Variants in PFKFB3 observed in about 807,000 individuals in gnomAD.
PFKFB3 encodes 6-phosphofructo-2-kinase/fructose-2,6-biphosphatase 3.
Under a neutral mutation model 68.0 loss-of-function variants are expected in PFKFB3, and 33 were observed. The observed-to-expected ratio is 0.49, with a 90% CI of 0.37 to 0.65. PFKFB3 has a LOEUF of 0.65. Ranked by LOEUF, PFKFB3 falls within the 30% of genes least tolerant of loss-of-function variation. PFKFB3 has a pLI of 0.00. For missense variants in PFKFB3, 586 were observed against 712.2 expected, an observed-to-expected ratio of 0.82 and a Z score of 2.02; for synonymous variants, 315 against 288.2, an observed-to-expected ratio of 1.09 and a Z score of -0.94.
chr10:6,155,828 A>C (rs1841763904), intron 1 of PFKFB3, among the ~76,000 whole-genome samples: 1 of 152,208 alleles, frequency 6.6e-6, no homozygotes, highest in South Asian at 2.1e-4. Flanking sequence ...AACAGATTTA[A>C]AAACCTCATT....
At chr10:6,213,334 A>G (rs956603877) in intron 1 of PFKFB3, among the ~76,000 whole-genome samples, 2 of 152,198 alleles carry the variant, frequency 1.3e-5, no homozygotes, top group East Asian at 3.9e-4. Context: ...AGCCTGGGCA[A>G]CACAGCGAGA....
downstream of PFKFB3, among the ~76,000 whole-genome samples, chr10:6,259,565 T>TCCATCCATCCATCCAC (rs1564239544): frequency 2.2e-5 from 3 of 133,496 alleles, no homozygotes; most frequent in Admixed American, 8.0e-5. Flanking sequence ...CATCCATCCA[T>TCCATCCATCCATCCAC]CCACTCATCC....
intron 1 of PFKFB3, among the ~76,000 whole-genome samples, chr10:6,163,568 G>A (rs993038554): frequency 3.3e-5 from 5 of 152,086 alleles, no homozygotes; most frequent in Admixed American, 3.3e-4. Context: ...CCCCGCTCTG[G>A]GCACGGTGCG....
rs746099584 is a variant in PFKFB3 at position 6,228,271 on chromosome 10, C to A, written c.1515+1906C>A. On this transcript the variant is annotated intron_variant, in intron 14 of 14. Transcript: ENST00000379775. This position sits in a 1 kb window ranked among gnomAD's most constrained non-coding sequence, Gnocchi z 4.5. ...GCTTGCACTGCTTTCTTCCTGCTTG[C>A]TCATTTGGCCTCCTGCCTGTTAAAA... 1 of 1,596,962 alleles carries A rather than the reference C, an allele frequency of 6.3e-7. No individual in the cohort carries two copies. Among genetic ancestry groups the A allele is most frequent in the African/African-American group, 1.3e-5 (1 of 74,762 alleles).
At chr10:6,209,473 A>ATT (rs59104402) in intron 1 of PFKFB3, among the ~76,000 whole-genome samples, 36,846 of 150,754 alleles carry the variant, frequency 0.24, 4,660 homozygotes, top group Middle Eastern at 0.36. Flanking sequence ...AAACTCAATA[A>ATT]TTTTTTTTTT....
rs1385702483 is a variant in PFKFB3 at position 6,222,581 on chromosome 10, G to A, written c.1084-274G>A. 3.5e-5 allele frequency: 9 copies of A among 259,412 alleles called. 1 individual carries two copies. Among genetic ancestry groups the A allele is most frequent in the South Asian group, 1.8e-4 (4 of 22,184 alleles). 16.1% of individuals were successfully genotyped at this position (259,412 alleles called of 1,614,324 possible). A position where few individuals can be genotyped will look rare whatever the true frequency, so the allele number is the denominator to read the frequency against. On this transcript the variant is annotated intron_variant, in intron 10 of 14. Transcript: ENST00000379775. ...TGCCTATTCTGGGCATTCCATGTCA[G>A]TGGAGTCAGATGCCACACGTGCCTT...
At chr10:6,308,577 C>A in the PFKFB3 span, among the ~76,000 whole-genome samples, 11 of 152,052 alleles carry the variant, frequency 7.2e-5, no homozygotes, top group Admixed American at 7.2e-4. Context: ...ATAGTTAAGA[C>A]CACCAAGTGC....
chr10:6,221,375 T>C lies in PFKFB3; in HGVS notation c.832-6T>C. 6.2e-7 allele frequency: 1 copy of C among 1,613,672 alleles called. No homozygotes were observed. Among genetic ancestry groups the C allele is most frequent in the South Asian group, 1.1e-5 (1 of 91,066 alleles). On this transcript the variant is annotated splice_region_variant and splice_polypyrimidine_tract_variant and intron_variant, in intron 8 of 14. Coordinates refer to ENST00000379775, the MANE Select transcript of PFKFB3 (RefSeq NM_004566.4). ...GAATCAGTGGTCCCCCTCCACCACC[T>C]CTCAGTTTGCCAGTGCTCTGAGCAA...
chr10:6,281,174 T>TC, the PFKFB3 span, among the ~76,000 whole-genome samples: 1 of 127,092 alleles, frequency 7.9e-6, no homozygotes. Context: ...ATCATATATA[T>TC]ATATATATAC....
At chr10:6,153,173 GAAAA>G (rs199862970) in intron 1 of PFKFB3, among the ~76,000 whole-genome samples, 2 of 46,654 alleles carry the variant, frequency 4.3e-5, no homozygotes, top group Non-Finnish European at 5.6e-5. Context: ...CTCTGTCTCA[GAAAA>G]AAGAAAGAAA....
At chr10:6,163,676 C>T (rs370685579) in intron 1 of PFKFB3, among the ~76,000 whole-genome samples, 1,639 of 151,496 alleles carry the variant, frequency 0.011, 67 homozygotes, top group East Asian at 0.1. Flanking sequence ...CAGCTGCGGG[C>T]CCGACGGGGG....
intron 13 of PFKFB3, among the ~76,000 whole-genome samples, chr10:6,224,957 G>A (rs559072259): frequency 2.5e-4 from 38 of 150,926 alleles, no homozygotes; most frequent in African/African-American, 7.8e-4. Flanking sequence ...GTTGAGAGAC[G>A]GGAGGCGTGG....
chr10:6,153,180 GAAA>G (rs1841651439), intron 1 of PFKFB3, among the ~76,000 whole-genome samples: 1 of 12,436 alleles, frequency 8.0e-5, no homozygotes, highest in Admixed American at 3.4e-4. Flanking sequence ...TCAGAAAAAA[GAAA>G]GAAAGAAAGA....
rs150879769 is a variant in PFKFB3, at chr10:6,164,852, A to T, written c.16+19839A>T. On this transcript the variant is annotated intron_variant, in intron 1 of 14. Coordinates refer to the PFKFB3 transcript ENST00000379789. Reference sequence around the variant, plus strand: ...GTGTAGCAAAGAGTAACAGAGCAGTATTGCTGCCAGCATATCGCCTACAGC... The same window carrying T: ...GTGTAGCAAAGAGTAACAGAGCAGTTTTGCTGCCAGCATATCGCCTACAGC... Among the ~76,000 whole-genome samples the T allele has an allele frequency of 7.2e-3, 1,095 of 152,262 alleles. 15 individuals are homozygous for T. The highest frequency in any genetic ancestry group is 7.8e-3 in the Non-Finnish European group (528 of 68,018).
intron 1 of PFKFB3, among the ~76,000 whole-genome samples, chr10:6,190,421 C>A (rs541969548): frequency 2.0e-5 from 3 of 152,350 alleles, no homozygotes; most frequent in African/African-American, 7.2e-5. Context: ...TTCATTCATT[C>A]ATTGTATCCA....
At chr10:6,290,682 TTAG>T in the PFKFB3 span, among the ~76,000 whole-genome samples, 1 of 152,032 alleles carries the variant, frequency 6.6e-6, no homozygotes, top group South Asian at 2.1e-4. Flanking sequence ...TTTTGTATTG[TTAG>T]TAGAGACGGG....
rs183225917 is a variant in PFKFB3 at position 6,208,502 on chromosome 10, G to A, written c.77-5121G>A. Among the ~76,000 whole-genome samples, 14 of 150,428 alleles carry A rather than the reference G, an allele frequency of 9.3e-5. No homozygotes were observed. The East Asian group carries it at 2.9e-3, about 31-fold the overall frequency. ...AAAGGTTGATGTGGCACTCAAATAC[G>A]GATAGAAAGACTTTCATCTCAGTAG... On this transcript the variant is annotated intron_variant, in intron 1 of 14. Transcript: ENST00000379775.
At chr10:6,284,497 C>T in the PFKFB3 span, among the ~76,000 whole-genome samples, 1 of 152,176 alleles carries the variant, frequency 6.6e-6, no homozygotes, top group Non-Finnish European at 1.5e-5. Flanking sequence ...AATACAAATA[C>T]TCCAGCTTCC....
At position 6,165,270 on chromosome 10, in the gene PFKFB3, C is replaced by T. The variant is rs181641966; in HGVS notation, c.16+20257C>T. 3.9e-3 allele frequency among the ~76,000 whole-genome samples: 587 copies of T among 152,324 alleles called. 2 individuals carry two copies. Among genetic ancestry groups the T allele is most frequent in the Middle Eastern group, 6.8e-3 (2 of 294 alleles). Reference sequence around the variant, plus strand: ...TGTTAACAAGGCACATCCTGCACGGCCCTGAATCCATTAAACCTTGATTCA... The same window carrying T: ...TGTTAACAAGGCACATCCTGCACGGTCCTGAATCCATTAAACCTTGATTCA... On this transcript the variant is annotated intron_variant, in intron 1 of 14. Transcript: ENST00000379789.
Sources: allele counts gnomAD v4.1 joint callset (sites outside exome capture counted in the v4.1 genomes callset), GRCh38; gene constraint gnomAD v4.1.1; non-coding constraint Gnocchi (gnomAD v3.1); transcripts MANE v1.5; gene names NCBI Gene and HGNC (gene_info 2026-07-23, HGNC 2026-07-21).